PRKN: variants seen among roughly 807,000 people sequenced by gnomAD.
The protein encoded by PRKN is parkin RBR E3 ubiquitin protein ligase.
A neutral mutation model predicts 59.5 loss-of-function variants in PRKN; 56 were observed. The ratio of observed to expected loss-of-function variants is 0.94; its 90% CI spans 0.76 to 1.18. PRKN has a LOEUF of 1.18. Among genes scored for constraint, PRKN ranks in the 50% most tolerant of loss-of-function variants. The pLI is 0.00. For missense variants in PRKN, 657 were observed against 596.4 expected (o/e 1.10, Z -1.06); for synonymous variants, 250 against 222.1 (o/e 1.13, Z -1.12).
intron 9 of PRKN, among the ~76,000 whole-genome samples, chr6:161,511,890 C>G (rs77993189): frequency 6.6e-6 from 1 of 152,100 alleles, no homozygotes; most frequent in Non-Finnish European, 1.5e-5. Flanking sequence ...CTCACTTTAG[C>G]GGAGACAGCT....
chr6:162,266,426 G>C (rs1780139753), intron 2 of PRKN: 1 of 152,016 alleles, frequency 6.6e-6, no homozygotes, highest in Non-Finnish European at 1.5e-5. Context: ...ACCTCACACA[G>C]TGCTTTGGAG....
At position 161,581,962 on chromosome 6, in the gene PRKN, C is replaced by G. The variant is rs1781356151; in HGVS notation, c.872-12546G>C. On this transcript the variant is annotated intron_variant, in intron 7 of 11. Coordinates refer to ENST00000366898, the MANE Select transcript of PRKN (RefSeq NM_004562.3). This position sits in a 1 kb window ranked among gnomAD's most constrained non-coding sequence, Gnocchi z 4.5. ...CGTCCTTCGCTCATACTTCTTTGAA[C>G]ATATCCACTCTCTTGTCTATTTTAC... is the stretch of plus-strand genomic sequence containing the variant. Among the ~76,000 whole-genome samples, 1 of 152,196 alleles carries G rather than the reference C, an allele frequency of 6.6e-6. No homozygotes were observed. The highest frequency in any genetic ancestry group is 2.4e-5 in the African/African-American group (1 of 41,454).
chr6:162,695,146 C>T (rs539938523), intron 1 of PRKN: 4 of 152,204 alleles, frequency 2.6e-5, no homozygotes, highest in African/African-American at 9.6e-5. Context: ...TAAATCAATA[C>T]TTCATGTCAT....
At chr6:161,761,345 A>AATGGATGGATAGACGGTGG (rs144422861) in intron 7 of PRKN, among the ~76,000 whole-genome samples, 82,041 of 151,574 alleles carry the variant, frequency 0.54, 22,274 homozygotes, top group East Asian at 0.57. Context: ...ATGATGGATG[A>AATGGATGGATAGACGGTGG]ATGGATGGAT....
intron 2 of PRKN, among the ~76,000 whole-genome samples, chr6:162,295,292 C>T (rs571733418): frequency 1.3e-5 from 2 of 152,272 alleles, no homozygotes; most frequent in South Asian, 4.1e-4. Flanking sequence ...AATAATGAAT[C>T]AGTTCAGTTG....
chr6:162,046,451 A>T (rs561904006), intron 5 of PRKN, among the ~76,000 whole-genome samples: 43 of 152,358 alleles, frequency 2.8e-4, no homozygotes, highest in African/African-American at 9.9e-4. Context: ...GGAAGCAAGA[A>T]GTATGTATTT....
intron 4 of PRKN, among the ~76,000 whole-genome samples, chr6:162,190,272 C>T (rs1008036506): frequency 8.5e-5 from 13 of 152,092 alleles, no homozygotes; most frequent in South Asian, 4.1e-4. Flanking sequence ...TTTCCCAGTA[C>T]GCAATACTCT....
chr6:161,733,768 G>T (rs1452238127), intron 7 of PRKN, among the ~76,000 whole-genome samples: 1 of 75,068 alleles, frequency 1.3e-5, no homozygotes, highest in Non-Finnish European at 2.3e-5. Flanking sequence ...TTCCCAGGGG[G>T]TGAAAAAAAA....
rs541259746 is a variant in PRKN, at chr6:161,411,851, TTCCTTCCTCAC to T, written c.1084-24985_1084-24975del. ...CCTCCACTCACTCATTCCTCCCTCA[TTCCTTCCTCAC>T]CCATTCCTTCTTCATTCATTCCTTC... On this transcript the variant is annotated intron_variant, in intron 9 of 11. Coordinates refer to ENST00000366898, the MANE Select transcript of PRKN (RefSeq NM_004562.3). Among the ~76,000 whole-genome samples, 470 of 142,510 alleles carry T rather than the reference TTCCTTCCTCAC, an allele frequency of 3.3e-3. 6 individuals carry two copies. The highest frequency in any genetic ancestry group is 0.012 in the African/African-American group (456 of 38,110). The allele number at this position is 142,510 out of a possible 152,430, so 93.5% of individuals were successfully genotyped here.
At chr6:162,093,950 G>A (rs191986239) in intron 4 of PRKN, among the ~76,000 whole-genome samples, 42 of 152,216 alleles carry the variant, frequency 2.8e-4, no homozygotes, top group Non-Finnish European at 5.9e-4. Context: ...AACCTCAAAC[G>A]TTATCTACTA....
chr6:162,307,250 A>G (rs61501471), intron 2 of PRKN, among the ~76,000 whole-genome samples: 5,760 of 152,128 alleles, frequency 0.038, 346 homozygotes, highest in African/African-American at 0.13. Context: ...AAATACAAAA[A>G]TTAGCCAGTC....
chr6:161,908,307 G>A (rs538356877), intron 6 of PRKN, among the ~76,000 whole-genome samples: 1 of 152,280 alleles, frequency 6.6e-6, no homozygotes, highest in South Asian at 2.1e-4. Context: ...CTTCCGGATG[G>A]AAACAGGGCA....
At chr6:161,477,741 A>C (rs1443066870) in intron 9 of PRKN, among the ~76,000 whole-genome samples, 1 of 152,244 alleles carries the variant, frequency 6.6e-6, no homozygotes, top group African/African-American at 2.4e-5. Flanking sequence ...TAGATACATC[A>C]TGTTATTAGA....
chr6:161,448,204 G>A lies in PRKN; in HGVS notation c.1084-61327C>T, dbSNP rs546683763. Among the ~76,000 whole-genome samples the A allele has an allele frequency of 8.5e-4, 130 of 152,266 alleles. No homozygotes were observed. The South Asian group carries it at 0.012, about 14-fold the overall frequency. On this transcript the variant is annotated intron_variant, in intron 9 of 11. Coordinates refer to ENST00000366898, the MANE Select transcript of PRKN (RefSeq NM_004562.3). This position sits in a 1 kb window ranked among gnomAD's most constrained non-coding sequence, Gnocchi z 5.1. ...AAAGATCTTCACTTTTCCCCACACC[G>A]TAATATTTCACTGGATTCTTGGAAT...
At chr6:162,100,467 T>TC (rs1048362740) in intron 4 of PRKN, among the ~76,000 whole-genome samples, 4 of 151,952 alleles carry the variant, frequency 2.6e-5, no homozygotes, top group African/African-American at 9.7e-5. Context: ...TTTTTTTTTT[T>TC]TAAGATAGAT....
chr6:161,832,907 C>A (rs1374632186), intron 6 of PRKN, among the ~76,000 whole-genome samples: 1 of 151,976 alleles, frequency 6.6e-6, no homozygotes, highest in Non-Finnish European at 1.5e-5. Context: ...ATGACTCCAA[C>A]CATTGCCGAA....
At chr6:162,207,246 C>A (rs1288105833) in intron 3 of PRKN, among the ~76,000 whole-genome samples, 1 of 152,096 alleles carries the variant, frequency 6.6e-6, no homozygotes, top group Non-Finnish European at 1.5e-5. Flanking sequence ...TGGCCGGACC[C>A]CTGTAGTCCC....
At chr6:162,616,705 T>C (rs1053451301) in intron 1 of PRKN, among the ~76,000 whole-genome samples, 4 of 152,178 alleles carry the variant, frequency 2.6e-5, no homozygotes, top group African/African-American at 9.7e-5. Context: ...CTCCTCTGAA[T>C]TGAAGCAGGA....
Position 162,476,761 on chromosome 6 carries a change from T to C in PRKN, c.8-33288A>G, listed in dbSNP as rs376354963. Among the ~76,000 whole-genome samples the C allele has an allele frequency of 1.5e-4, 23 of 152,250 alleles. No homozygotes were observed. In the East Asian group the frequency reaches 2.3e-3, roughly 15 times the overall value. ...AATAATTACGATTCTATCGTCATCA[T>C]TCATGTGGAGGTGCATGCCAGGTGC... is the stretch of plus-strand genomic sequence containing the variant. On this transcript the variant is annotated intron_variant, in intron 1 of 11. Coordinates refer to ENST00000366898, the MANE Select transcript of PRKN (RefSeq NM_004562.3).
Sources: gnomAD v4.1 joint callset for allele counts (sites outside exome capture counted in the v4.1 genomes callset) on GRCh38, gnomAD v4.1.1 for gene constraint, Gnocchi (gnomAD v3.1) non-coding constraint, MANE v1.5 for transcripts, NCBI Gene and HGNC (gene_info 2026-07-23, HGNC 2026-07-21) for gene names.